The following NXPE2 variants were observed in gnomAD, a reference collection of about 807,000 sequenced individuals.
The protein encoded by NXPE2 is NXPE family member 2.
Under a neutral mutation model 34.4 loss-of-function variants are expected in NXPE2, and 34 were observed. The observed-to-expected ratio is 0.99, with a 90% CI of 0.75 to 1.31. The LOEUF (loss-of-function observed/expected upper bound fraction) is 1.31. Ranked by LOEUF, NXPE2 falls within the 40% of genes most tolerant of loss-of-function variation. The pLI is 0.00. For missense variants in NXPE2, 649 were observed against 672.5 expected, an observed-to-expected ratio of 0.97 and a Z score of 0.39; for synonymous variants, 235 against 231.3, an observed-to-expected ratio of 1.02 and a Z score of -0.15.
At chr11:114,466,825 A>G in the NXPE2 span, among the ~76,000 whole-genome samples, 2 of 151,676 alleles carry the variant, frequency 1.3e-5, no homozygotes. Context: ...TTCTTATTTC[A>G]TGTAGAGCAG....
the NXPE2 span, among the ~76,000 whole-genome samples, chr11:114,812,048 A>G: frequency 6.6e-6 from 1 of 152,250 alleles, no homozygotes; most frequent in African/African-American, 2.4e-5. Context: ...AATCAGAAAA[A>G]GGACACAACG....
the NXPE2 span, among the ~76,000 whole-genome samples, chr11:114,547,507 G>A: frequency 6.6e-6 from 1 of 152,224 alleles, no homozygotes; most frequent in Non-Finnish European, 1.5e-5. Context: ...GGCTGAGGCA[G>A]GTTGATCACT....
At chr11:114,610,977 G>T in the NXPE2 span, among the ~76,000 whole-genome samples, 1 of 151,624 alleles carries the variant, frequency 6.6e-6, no homozygotes, top group African/African-American at 2.4e-5. Flanking sequence ...TGCCTCGTGG[G>T]TAACCACTGT....
chr11:114,663,637 C>CAATCATCTATCTATCATCT, the NXPE2 span, among the ~76,000 whole-genome samples: 1 of 138,754 alleles, frequency 7.2e-6, no homozygotes, highest in South Asian at 2.5e-4. Flanking sequence ...ATCTATCTAT[C>CAATCATCTATCTATCATCT]ATCTATCCAT....
chr11:114,693,875 C>T (rs1478896493), intron 2 of NXPE2, among the ~76,000 whole-genome samples: 1 of 152,200 alleles, frequency 6.6e-6, no homozygotes, highest in South Asian at 2.1e-4. Context: ...CAAATTACCA[C>T]AAATTTAGTG....
chr11:114,619,983 G>T, the NXPE2 span, among the ~76,000 whole-genome samples: 4 of 151,868 alleles, frequency 2.6e-5, no homozygotes, highest in African/African-American at 9.7e-5. Context: ...CTGTTACCTG[G>T]TGGATAGTTA....
chr11:114,741,168 A>G, the NXPE2 span, among the ~76,000 whole-genome samples: 1 of 152,034 alleles, frequency 6.6e-6, no homozygotes. Flanking sequence ...CCTGGCTTGC[A>G]TGGTTCCTGC....
At chr11:114,674,249 T>G (rs1950833153), upstream of NXPE2, among the ~76,000 whole-genome samples, 1 of 151,834 alleles carries the variant, frequency 6.6e-6, no homozygotes, top group Non-Finnish European at 1.5e-5. Context: ...ATGTTTAAAA[T>G]TATTTGCCAA....
the NXPE2 span, among the ~76,000 whole-genome samples, chr11:114,671,124 G>C: frequency 6.0e-5 from 9 of 149,040 alleles, no homozygotes; most frequent in African/African-American, 1.2e-4. Flanking sequence ...TGAAATTCTG[G>C]AGTTGAAAAG....
chr11:114,604,851 C>T, the NXPE2 span, among the ~76,000 whole-genome samples: 1 of 152,004 alleles, frequency 6.6e-6, no homozygotes, highest in Non-Finnish European at 1.5e-5. Context: ...TGGGTATCCA[C>T]TGTTACCTGC....
At chr11:114,527,855 C>A in the NXPE2 span, 3 of 1,607,390 alleles carry the variant, frequency 1.9e-6, no homozygotes, top group Non-Finnish European at 2.5e-6. Context: ...CAATTAGTGA[C>A]ATCAATGTGT....
At chr11:114,551,473 T>G in the NXPE2 span, 12 of 1,116,482 alleles carry the variant, frequency 1.1e-5, no homozygotes, top group African/African-American at 3.2e-5. Flanking sequence ...CCTTATAGGT[T>G]CTCTTAATGC....
chr11:114,775,514 T>C, the NXPE2 span, among the ~76,000 whole-genome samples: 1 of 152,178 alleles, frequency 6.6e-6, no homozygotes, highest in African/African-American at 2.4e-5. Context: ...ATTTATTACC[T>C]TTCAGGGTGC....
At chr11:114,703,358 C>A (rs1256902662) in intron 3 of NXPE2, among the ~76,000 whole-genome samples, 3 of 152,198 alleles carry the variant, frequency 2.0e-5, no homozygotes, top group Admixed American at 6.5e-5. Context: ...TAACTTAGGA[C>A]AGGGTTCTCA....
the NXPE2 span, among the ~76,000 whole-genome samples, chr11:114,658,472 G>C: frequency 2.0e-5 from 3 of 152,126 alleles, no homozygotes; most frequent in Non-Finnish European, 2.9e-5. Context: ...GGTCAGGGCA[G>C]GAGACCAGAC....
the NXPE2 span, among the ~76,000 whole-genome samples, chr11:114,660,125 T>C: frequency 3.3e-5 from 5 of 152,062 alleles, no homozygotes; most frequent in African/African-American, 1.2e-4. Context: ...TCTATAGCTT[T>C]GGGAGAAACT....
At chr11:114,756,765 T>G in the NXPE2 span, among the ~76,000 whole-genome samples, 7 of 152,310 alleles carry the variant, frequency 4.6e-5, no homozygotes, top group Non-Finnish European at 1.0e-4. Flanking sequence ...TCCATATTCA[T>G]AAAGTGAAGG....
At chr11:114,605,528 G>A in the NXPE2 span, among the ~76,000 whole-genome samples, 6 of 151,420 alleles carry the variant, frequency 4.0e-5, no homozygotes, top group Non-Finnish European at 8.8e-5. Context: ...ACAGTTACCC[G>A]GTGGATAATG....
At chr11:114,583,575 A>C in the NXPE2 span, 1 of 595,358 alleles carries the variant, frequency 1.7e-6, no homozygotes, top group Non-Finnish European at 3.3e-6. Flanking sequence ...GGCCTGTTTG[A>C]CTTCTGTCAG....
Sources: gnomAD v4.1 joint callset for allele counts (sites outside exome capture counted in the v4.1 genomes callset) on GRCh38, gnomAD v4.1.1 for gene constraint, MANE v1.5 for transcripts, NCBI Gene and HGNC (gene_info 2026-07-23, HGNC 2026-07-21) for gene names.